The following ARID1B variants were observed in gnomAD, a reference collection of about 807,000 sequenced individuals.
ARID1B encodes AT-rich interaction domain 1B.
ARID1B carries 30 observed loss-of-function variants against 212.3 expected under a neutral mutation model. The observed-to-expected ratio is 0.14, with a 90% confidence interval of 0.11 to 0.19. The LOEUF is 0.19. Ranked by LOEUF, ARID1B falls within the 10% of genes least tolerant of loss-of-function variation. The probability of loss-of-function intolerance (pLI) is 1.00; values close to 1 mark genes in which losing one functional copy is unlikely to be tolerated. For synonymous variants in ARID1B, 1,402 were observed against 1,301.7 expected (o/e 1.08, Z -1.66); for missense variants, 2,891 against 3,204.0 (o/e 0.90, Z 2.36).
chr6:157,115,649 G>C lies in ARID1B; in HGVS notation c.2581+5088G>C, dbSNP rs540230062. Among the ~76,000 whole-genome samples, 5 of 152,224 alleles carry C rather than the reference G, an allele frequency of 3.3e-5. No homozygotes were observed. In the East Asian group the frequency reaches 9.7e-4, roughly 29 times the overall value. On this transcript the variant is annotated intron_variant, in intron 6 of 19. Transcript: ENST00000636930. Reference sequence around the variant, plus strand: ...TCACCATGTTAGCCAGGATGGTCTCGATCTCCTGACCTCGTGATCCGCCTG... The same window carrying C: ...TCACCATGTTAGCCAGGATGGTCTCCATCTCCTGACCTCGTGATCCGCCTG...
chr6:157,041,374 T>C (rs1355897091), intron 4 of ARID1B, among the ~76,000 whole-genome samples: 1 of 152,126 alleles, frequency 6.6e-6, no homozygotes, highest in African/African-American at 2.4e-5. Flanking sequence ...ATTCTACATA[T>C]AGTAGTATAG....
chr6:156,786,201 TC>T (rs1779617539), intron 1 of ARID1B, among the ~76,000 whole-genome samples: 1 of 152,188 alleles, frequency 6.6e-6, no homozygotes, highest in African/African-American at 2.4e-5. Context: ...GATATTTTTT[TC>T]TATTCTTTCT....
At chr6:157,021,174 C>T (rs1315120443) in intron 4 of ARID1B, among the ~76,000 whole-genome samples, 5 of 152,082 alleles carry the variant, frequency 3.3e-5, no homozygotes, top group Non-Finnish European at 5.9e-5. Flanking sequence ...AGGCCGCCAG[C>T]TCTCAGGCCT....
rs1367763317 is a variant in ARID1B, at chr6:156,897,255, C to CTTA, written c.1987-4119_1987-4118insATT. The stretch of plus-strand genomic sequence containing the variant: ...TCTTCTTCTTCTTCTTCTTCTTCTT[C>CTTA]TTCTTCTTCTTATTATTATTATTAT... On this transcript the variant is annotated intron_variant, in intron 2 of 19. Transcript: ENST00000636930. Among the ~76,000 whole-genome samples, 785 of 89,946 alleles carry CTTA rather than the reference C, an allele frequency of 8.7e-3. 3 individuals carry two copies. Among genetic ancestry groups the CTTA allele is most frequent in the Non-Finnish European group, 0.011 (430 of 39,992 alleles). 59.0% of individuals were successfully genotyped at this position (89,946 alleles called of 152,430 possible). A position where few individuals can be genotyped will look rare whatever the true frequency, so the allele number is the denominator to read the frequency against.
At chr6:156,907,366 G>T (rs1789486244) in intron 3 of ARID1B, among the ~76,000 whole-genome samples, 1 of 152,034 alleles carries the variant, frequency 6.6e-6, no homozygotes, top group South Asian at 2.1e-4. Flanking sequence ...TGATCACTTT[G>T]TATGTATTGA....
chr6:157,196,442 TAA>T, intron 16 of ARID1B, 127 bp downstream of exon 16: 1 of 1,242,078 alleles, frequency 8.1e-7, no homozygotes, highest in Non-Finnish European at 1.1e-6. Flanking sequence ...CCTGTGAAAG[TAA>T]AGAGGCAATG....
intron 3 of ARID1B, among the ~76,000 whole-genome samples, chr6:156,902,735 CAA>C (rs869259426): frequency 2.2e-3 from 136 of 61,642 alleles, no homozygotes; most frequent in African/African-American, 6.4e-3. Flanking sequence ...GACTCTGTCT[CAA>C]AAAAAAAAAA....
At chr6:156,959,333 T>C (rs6936665) in intron 4 of ARID1B, among the ~76,000 whole-genome samples, 4,598 of 152,266 alleles carry the variant, frequency 0.03, 231 homozygotes, top group African/African-American at 0.11. Flanking sequence ...TTTTGTATCA[T>C]CTCTAGATTA....
intron 16 of ARID1B, among the ~76,000 whole-genome samples, chr6:157,197,000 G>A (rs913072316): frequency 2.2e-4 from 33 of 152,306 alleles, no homozygotes; most frequent in African/African-American, 7.2e-4. Flanking sequence ...AGGAGGAAAA[G>A]TTATTGAAAT....
chr6:157,076,038 A>C (rs189700700), intron 4 of ARID1B, among the ~76,000 whole-genome samples: 13 of 152,312 alleles, frequency 8.5e-5, no homozygotes, highest in African/African-American at 3.1e-4. Flanking sequence ...GTTTTGATAA[A>C]TGTGCCATGT....
intron 2 of ARID1B, among the ~76,000 whole-genome samples, chr6:156,832,862 C>T (rs190922699): frequency 2.6e-4 from 40 of 152,190 alleles, no homozygotes; most frequent in African/African-American, 9.4e-4. Flanking sequence ...GAGATATACT[C>T]GTGACTGGAT....
intron 4 of ARID1B, among the ~76,000 whole-genome samples, chr6:157,004,198 C>T (rs1779072592): frequency 6.6e-6 from 1 of 152,068 alleles, no homozygotes; most frequent in Admixed American, 6.6e-5. Flanking sequence ...TTTATCTCTG[C>T]CTTTTATCTG....
At chr6:156,799,484 A>G (rs993344356) in intron 1 of ARID1B, among the ~76,000 whole-genome samples, 2 of 152,120 alleles carry the variant, frequency 1.3e-5, no homozygotes, top group South Asian at 4.1e-4. Flanking sequence ...ATCAGTTGAT[A>G]TATATATATT....
intron 11 of ARID1B, among the ~76,000 whole-genome samples, chr6:157,177,605 C>T (rs1163208489): frequency 6.6e-6 from 1 of 152,178 alleles, no homozygotes; most frequent in Non-Finnish European, 1.5e-5. Flanking sequence ...CACATATTAC[C>T]AGGCATATGG....
intron 9 of ARID1B, chr6:157,168,803 C>T (rs1791508366): frequency 6.6e-6 from 1 of 152,222 alleles, no homozygotes; most frequent in Non-Finnish European, 1.5e-5. Flanking sequence ...CAGTGAAAGG[C>T]CGTCCATCCT....
intron 2 of ARID1B, among the ~76,000 whole-genome samples, chr6:156,831,433 G>A (rs1055209628): frequency 2.0e-5 from 3 of 152,234 alleles, no homozygotes; most frequent in Non-Finnish European, 2.9e-5. Flanking sequence ...AAAAGATGCT[G>A]TTCACGGCAA....
Position 157,148,737 on chromosome 6 carries a change from C to G in ARID1B, c.2875C>G (p.Gln959Glu), listed in dbSNP as rs138254872. The G allele has an allele frequency of 3.0e-5, 48 of 1,613,104 alleles. No individual in the cohort carries two copies. The highest frequency in any genetic ancestry group is 3.8e-5 in the Non-Finnish European group (45 of 1,179,984). Residue 959 changes from glutamine (Q) to glutamate (E), a missense_variant, in exon 8 of 20, where the codon CAG becomes GAG. Physicochemically the swap from Gln to Glu is conservative, Grantham distance 29. Coordinates refer to ENST00000636930, the MANE Select transcript of ARID1B (RefSeq NM_001374828.1). The surrounding 1 kb of genome is among the most constrained non-coding windows in gnomAD (Gnocchi z 5.6). ...CCAGATGCATGGACAAGGGCCAAGC[C>G]AGCCATGTGGTGCTGTGCCCCTGGG... is the stretch of plus-strand genomic sequence containing the variant. ...NNQMHGQGPS[Q>E]PCGAVPLGRM... is the part of the protein sequence containing the mutation.
chr6:157,046,541 G>T (rs1782255389), intron 4 of ARID1B, among the ~76,000 whole-genome samples: 1 of 152,104 alleles, frequency 6.6e-6, no homozygotes, highest in Admixed American at 6.5e-5. Context: ...AAATTCTTCA[G>T]GTCCTTAATG....
At chr6:156,869,041 G>T (rs1785921229) in intron 2 of ARID1B, among the ~76,000 whole-genome samples, 1 of 152,014 alleles carries the variant, frequency 6.6e-6, no homozygotes. Flanking sequence ...AAAAAAAAAT[G>T]AATTTGTTTT....
Sources: gnomAD v4.1 joint callset for allele counts (sites outside exome capture counted in the v4.1 genomes callset) on GRCh38, gnomAD v4.1.1 for gene constraint, Gnocchi (gnomAD v3.1) non-coding constraint, MANE v1.5 for transcripts, NCBI Gene and HGNC (gene_info 2026-07-23, HGNC 2026-07-21) for gene names.